Variants in CMIP observed in about 807,000 individuals in gnomAD.
CMIP encodes the protein C-Maf-inducing protein.
Under a neutral mutation model 97.3 loss-of-function variants are expected in CMIP, and 13 were observed. The ratio of observed to expected loss-of-function variants is 0.13; its 90% CI spans 0.09 to 0.21. The LOEUF (loss-of-function observed/expected upper bound fraction) is 0.21, where lower values mean the gene tolerates loss of function less well. CMIP is among the 10% of genes least tolerant of loss of function. The pLI is 1.00. For synonymous variants in CMIP, 538 were observed against 436.3 expected (o/e 1.23, Z -2.91); for missense variants, 847 against 1,024.9 (o/e 0.83, Z 2.37).
intron 1 of CMIP, among the ~76,000 whole-genome samples, chr16:81,498,531 G>A (rs935496812): frequency 6.6e-6 from 1 of 152,156 alleles, no homozygotes; most frequent in Non-Finnish European, 1.5e-5. Flanking sequence ...TCTGCTCCTC[G>A]CGCCTCACTC....
At chr16:81,570,633 G>C (rs2091071143) in intron 1 of CMIP, among the ~76,000 whole-genome samples, 2 of 152,160 alleles carry the variant, frequency 1.3e-5, no homozygotes, top group Admixed American at 1.3e-4. Flanking sequence ...GTCCCTGGGA[G>C]GAGAACCAGG....
At chr16:81,701,000 T>C (rs1907335848) in intron 15 of CMIP, among the ~76,000 whole-genome samples, 1 of 151,902 alleles carries the variant, frequency 6.6e-6, no homozygotes, top group African/African-American at 2.4e-5. Flanking sequence ...TGAGAAGTTC[T>C]AGAACTGAGC....
chr16:81,698,519 A>C (rs2317418), intron 14 of CMIP, among the ~76,000 whole-genome samples: 1 of 151,958 alleles, frequency 6.6e-6, no homozygotes, highest in Non-Finnish European at 1.5e-5. Flanking sequence ...AGAAGTTTCT[A>C]CGTGGTTCCA....
At chr16:81,515,619 G>A (rs1384492743) in intron 1 of CMIP, among the ~76,000 whole-genome samples, 1 of 152,196 alleles carries the variant, frequency 6.6e-6, no homozygotes, top group East Asian at 1.9e-4. Context: ...CTCAAATGAA[G>A]CATCACCGGC....
Position 81,678,489 on chromosome 16 carries a change from A to G in CMIP, c.1249A>G (p.Thr417Ala), listed in dbSNP as rs1230887047. 3.8e-6 allele frequency: 6 copies of G among 1,598,066 alleles called. No homozygotes were observed. Among genetic ancestry groups the G allele is most frequent in the Non-Finnish European group, 5.1e-6 (6 of 1,173,152 alleles). The stretch of plus-strand genomic sequence containing the variant: ...CACCAGCACTGCCAAGCCGGCGCTG[A>G]CGGCCAGCGCAGGCAACGACAGCGA... Reference protein sequence around the residue: ...ERTSTAKPALTASAGNDSEPN... With the variant: ...ERTSTAKPALAASAGNDSEPN... The change falls in exon 10 of 21, where the codon ACG (threonine) becomes GCG (alanine). Residue 417 changes from threonine (T) to alanine (A), a missense_variant. Coordinates refer to ENST00000537098, the MANE Select transcript of CMIP (RefSeq NM_198390.3).
rs906609819 is a variant in CMIP at position 81,445,124 on chromosome 16, C to T, written c.-118C>T. 6.4e-6 allele frequency: 3 copies of T among 469,140 alleles called. No homozygotes were observed. The highest frequency in any genetic ancestry group is 1.0e-5 in the Non-Finnish European group (3 of 286,180). 29.1% of individuals were successfully genotyped at this position (469,140 alleles called of 1,614,324 possible). On this transcript the variant is annotated 5_prime_UTR_variant, in exon 1 of 21. Transcript: ENST00000537098. ...CCCTGCGGGCGCCCCCAGCCCCACA[C>T]CCCCCCACCTTCCCGGGGGGTGGGG...
intron 1 of CMIP, among the ~76,000 whole-genome samples, chr16:81,575,190 T>G (rs778690720): frequency 5.3e-5 from 8 of 152,218 alleles, no homozygotes; most frequent in Non-Finnish European, 8.8e-5. Flanking sequence ...GACCTATTAT[T>G]ATCCCCAGTT....
chr16:81,573,079 C>T (rs994659392), intron 1 of CMIP, among the ~76,000 whole-genome samples: 5 of 152,228 alleles, frequency 3.3e-5, no homozygotes, highest in African/African-American at 1.2e-4. Context: ...TGCAGTAGCT[C>T]ATGCCTGTAA....
intron 3 of CMIP, among the ~76,000 whole-genome samples, chr16:81,632,867 G>T (rs539823546): frequency 6.6e-6 from 1 of 152,192 alleles, no homozygotes; most frequent in Non-Finnish European, 1.5e-5. Flanking sequence ...GGACATTCAA[G>T]ACACCCCCAC....
chr16:81,580,401 T>C (rs1038901932), intron 1 of CMIP, among the ~76,000 whole-genome samples: 3 of 152,248 alleles, frequency 2.0e-5, no homozygotes, highest in Non-Finnish European at 4.4e-5. Context: ...TTAATTTATT[T>C]TGGGTTTGTT....
chr16:81,636,840 G>C (rs2092243243), intron 3 of CMIP, among the ~76,000 whole-genome samples: 1 of 151,418 alleles, frequency 6.6e-6, no homozygotes, highest in Non-Finnish European at 1.5e-5. Flanking sequence ...GCCGGACTTG[G>C]TCCCCACCCC....
chr16:81,540,712 G>A (rs1303332024), intron 1 of CMIP, among the ~76,000 whole-genome samples: 2 of 145,174 alleles, frequency 1.4e-5, no homozygotes, highest in Non-Finnish European at 3.0e-5. Flanking sequence ...ACAGAGTCTC[G>A]GTCTGTTGCC....
chr16:81,447,942 G>C (rs1428004117), intron 1 of CMIP, among the ~76,000 whole-genome samples: 1 of 152,214 alleles, frequency 6.6e-6, no homozygotes, highest in African/African-American at 2.4e-5. Context: ...GGAAGCAGCG[G>C]AGCCCCTGTG....
At chr16:81,670,549 A>T (rs1357040851) in intron 8 of CMIP, among the ~76,000 whole-genome samples, 2 of 143,994 alleles carry the variant, frequency 1.4e-5, no homozygotes, top group South Asian at 4.7e-4. Flanking sequence ...CATAAACATA[A>T]CCAAGAGGAA....
intron 7 of CMIP, among the ~76,000 whole-genome samples, chr16:81,667,797 A>AGGGTGT (rs1474036026): frequency 1.5e-5 from 1 of 64,966 alleles, no homozygotes; most frequent in Non-Finnish European, 2.9e-5. Flanking sequence ...AGAGAGAGAG[A>AGGGTGT]GAGTGTGTGT....
intron 1 of CMIP, among the ~76,000 whole-genome samples, chr16:81,503,636 A>G (rs527313091): frequency 1.3e-5 from 2 of 152,138 alleles, no homozygotes; most frequent in South Asian, 2.1e-4. Context: ...AGCTCAAGCG[A>G]TCCTCCTGCC....
intron 2 of CMIP, among the ~76,000 whole-genome samples, chr16:81,613,114 G>C (rs1466452322): frequency 6.6e-6 from 1 of 152,212 alleles, no homozygotes; most frequent in African/African-American, 2.4e-5. Context: ...CCAAAGGAAC[G>C]AGCAGTTTAC....
At chr16:81,609,018 G>A (rs2091787790) in intron 2 of CMIP, among the ~76,000 whole-genome samples, 1 of 152,170 alleles carries the variant, frequency 6.6e-6, no homozygotes, top group Non-Finnish European at 1.5e-5. Context: ...GTAGCGGAGC[G>A]TAACAACTTA....
intron 1 of CMIP, among the ~76,000 whole-genome samples, chr16:81,563,403 G>C (rs1430519332): frequency 6.6e-6 from 1 of 152,144 alleles, no homozygotes; most frequent in African/African-American, 2.4e-5. Context: ...TTTCCTTCCT[G>C]GTAAAATGGG....
Sources: allele counts gnomAD v4.1 joint callset (sites outside exome capture counted in the v4.1 genomes callset), GRCh38; gene constraint gnomAD v4.1.1; transcripts MANE v1.5; gene names NCBI Gene and HGNC (gene_info 2026-07-23, HGNC 2026-07-21).